The following SLAIN2 variants were observed in gnomAD, a reference collection of about 807,000 sequenced individuals.
SLAIN2 encodes SLAIN motif-containing protein 2.
Under a neutral mutation model 56.6 loss-of-function variants are expected in SLAIN2, and 31 were observed. The ratio of observed to expected loss-of-function variants is 0.55; its 90% CI spans 0.41 to 0.74. The LOEUF is 0.74. SLAIN2 is among the 30% of genes least tolerant of loss of function. The pLI is 0.00. For missense variants in SLAIN2, 777 were observed against 754.2 expected, an observed-to-expected ratio of 1.03 and a Z score of -0.35; for synonymous variants, 317 against 284.9, an observed-to-expected ratio of 1.11 and a Z score of -1.13.
chr4:48,378,217 C>T (rs1472718007), intron 3 of SLAIN2, among the ~76,000 whole-genome samples, 157 bp downstream of exon 3: 1 of 152,178 alleles, frequency 6.6e-6, no homozygotes, highest in Non-Finnish European at 1.5e-5. Flanking sequence ...GCACCAGGTA[C>T]TATATTAGGC....
chr4:48,348,641 G>C (rs1244009063), intron 1 of SLAIN2, among the ~76,000 whole-genome samples: 1 of 146,080 alleles, frequency 6.8e-6, no homozygotes, highest in Non-Finnish European at 1.5e-5. Flanking sequence ...AGTGAGCTGA[G>C]ATCACGCCAT....
chr4:48,353,805 T>C (rs1715080840), intron 1 of SLAIN2, among the ~76,000 whole-genome samples: 1 of 152,162 alleles, frequency 6.6e-6, no homozygotes, highest in South Asian at 2.1e-4. Context: ...TTAAGATTAT[T>C]GTAACAGTCC....
At chr4:48,421,636 C>T (rs1717159729) in intron 7 of SLAIN2, among the ~76,000 whole-genome samples, 1 of 151,998 alleles carries the variant, frequency 6.6e-6, no homozygotes, top group Admixed American at 6.6e-5. Context: ...AATCACTGTC[C>T]CATACTGCCT....
intron 2 of SLAIN2, among the ~76,000 whole-genome samples, chr4:48,374,413 T>G (rs1463566396): frequency 6.6e-6 from 1 of 152,060 alleles, no homozygotes; most frequent in Admixed American, 6.6e-5. Context: ...ATTTTTTTTG[T>G]ATTTTTACTA....
At position 48,410,974 on chromosome 4, in the gene SLAIN2, C is replaced by T. The variant is rs563579969; in HGVS notation, c.1361-9151C>T. Among the ~76,000 whole-genome samples, 31 of 152,288 alleles carry T rather than the reference C, an allele frequency of 2.0e-4. 1 individual carries two copies. The East Asian group carries it at 6.0e-3, about 29-fold the overall frequency. Reference sequence around the variant, plus strand: ...GTGATGGCTCCTCCTCTTCCTCCTCCTCTTCCCTTCCCTCTTCCATTGCTG... The same window carrying T: ...GTGATGGCTCCTCCTCTTCCTCCTCTTCTTCCCTTCCCTCTTCCATTGCTG... On this transcript the variant is annotated intron_variant, in intron 6 of 7. Transcript: ENST00000264313.
chr4:48,408,575 A>T (rs563242327), intron 6 of SLAIN2, among the ~76,000 whole-genome samples: 1 of 151,170 alleles, frequency 6.6e-6, no homozygotes, highest in East Asian at 1.9e-4. Context: ...ATAAAAATTT[A>T]AAATTAAAAA....
intron 1 of SLAIN2, among the ~76,000 whole-genome samples, chr4:48,365,938 A>G (rs1207954201): frequency 6.6e-6 from 1 of 151,052 alleles, no homozygotes; most frequent in South Asian, 2.1e-4. Context: ...TTCTTTCCTA[A>G]TGTAAGTGTT....
At chr4:48,389,476 T>G (rs1417353473) in intron 6 of SLAIN2, among the ~76,000 whole-genome samples, 1 of 152,212 alleles carries the variant, frequency 6.6e-6, no homozygotes, top group African/African-American at 2.4e-5. Flanking sequence ...ATGTTATATT[T>G]CCAGCATTGG....
At chr4:48,408,148 G>A (rs1392938378) in intron 6 of SLAIN2, among the ~76,000 whole-genome samples, 3 of 151,968 alleles carry the variant, frequency 2.0e-5, no homozygotes, top group East Asian at 1.9e-4. Flanking sequence ...ATCAGCCTGG[G>A]CAACATAGTG....
intron 1 of SLAIN2, among the ~76,000 whole-genome samples, chr4:48,347,871 C>T (rs765066928): frequency 2.6e-5 from 4 of 152,196 alleles, no homozygotes. Flanking sequence ...CAATACTTGT[C>T]TTTTTGTGTC....
chr4:48,365,028 T>C (rs1715473050), intron 1 of SLAIN2, among the ~76,000 whole-genome samples: 1 of 152,200 alleles, frequency 6.6e-6, no homozygotes, highest in Non-Finnish European at 1.5e-5. Flanking sequence ...ATCTATTTTA[T>C]TAGCATTAGG....
At position 48,388,550 on chromosome 4, in the gene SLAIN2, T is replaced by C. The variant is rs183746347; in HGVS notation, c.1360+4766T>C. Among the ~76,000 whole-genome samples, 17 of 152,328 alleles carry C rather than the reference T, an allele frequency of 1.1e-4. No homozygotes were observed. The East Asian group carries it at 3.3e-3, about 29-fold the overall frequency. Reference sequence around the variant, plus strand: ...TATTTCATTTAAACATCAGAAATCATTTATTTTTATAGAAAGGGAACAGAG... The same window carrying C: ...TATTTCATTTAAACATCAGAAATCACTTATTTTTATAGAAAGGGAACAGAG... On this transcript the variant is annotated intron_variant, in intron 6 of 7. Coordinates refer to ENST00000264313, the MANE Select transcript of SLAIN2 (RefSeq NM_020846.2).
intron 1 of SLAIN2, among the ~76,000 whole-genome samples, chr4:48,353,883 A>G (rs1265211248): frequency 6.6e-6 from 1 of 152,218 alleles, no homozygotes; most frequent in African/African-American, 2.4e-5. Flanking sequence ...GATGGATTTA[A>G]TAAGGATTAG....
chr4:48,357,170 C>A (rs529634603), intron 1 of SLAIN2, among the ~76,000 whole-genome samples: 48 of 151,280 alleles, frequency 3.2e-4, no homozygotes, highest in African/African-American at 1.1e-3. Context: ...AGCTGATGGG[C>A]CAAATATAAT....
chr4:48,403,530 C>T (rs2109778706), intron 6 of SLAIN2, among the ~76,000 whole-genome samples: 1 of 152,326 alleles, frequency 6.6e-6, no homozygotes, highest in South Asian at 2.1e-4. Context: ...CTGGTCTGGA[C>T]CATCTGGACT....
At chr4:48,383,535 C>A in intron 5 of SLAIN2, 112 bp from the exon 6 acceptor site, 8 of 982,026 alleles carry the variant, frequency 8.1e-6, no homozygotes, top group African/African-American at 1.7e-5. Flanking sequence ...ATTTTCTCAT[C>A]TAAAATAAAC....
chr4:48,351,953 G>A (rs750838429), intron 1 of SLAIN2, among the ~76,000 whole-genome samples: 2 of 152,214 alleles, frequency 1.3e-5, no homozygotes, highest in Non-Finnish European at 2.9e-5. Flanking sequence ...TTAGGGAAAA[G>A]AGCGAGTGAT....
intron 6 of SLAIN2, among the ~76,000 whole-genome samples, chr4:48,408,657 C>T (rs1414384595): frequency 6.6e-6 from 1 of 151,520 alleles, no homozygotes; most frequent in East Asian, 1.9e-4. Context: ...GTGTTACAAG[C>T]TATGTGTTAT....
intron 1 of SLAIN2, among the ~76,000 whole-genome samples, chr4:48,348,988 T>G (rs1450003534): frequency 6.6e-6 from 1 of 152,220 alleles, no homozygotes; most frequent in African/African-American, 2.4e-5. Context: ...GCCAGAACCT[T>G]CAAGAACATT....
Sources: gnomAD v4.1 joint callset for allele counts (sites outside exome capture counted in the v4.1 genomes callset) on GRCh38, gnomAD v4.1.1 for gene constraint, MANE v1.5 for transcripts, NCBI Gene and HGNC (gene_info 2026-07-23, HGNC 2026-07-21) for gene names.